MAGI3: variants seen among roughly 807,000 people sequenced by gnomAD.
MAGI3 encodes membrane-associated guanylate kinase, WW and PDZ domain-containing protein 3.
MAGI3 carries 43 observed loss-of-function variants against 121.8 expected under a neutral mutation model. The observed-to-expected ratio is 0.35, with a 90% confidence interval of 0.28 to 0.46. The LOEUF is 0.46. Ranked by LOEUF, MAGI3 falls within the 20% of genes least tolerant of loss-of-function variation. The probability of loss-of-function intolerance (pLI) is 1.00; values close to 1 mark genes in which losing one functional copy is unlikely to be tolerated. For synonymous variants in MAGI3, 553 were observed against 639.3 expected, an observed-to-expected ratio of 0.86 and a Z score of 2.04; for missense variants, 1,547 against 1,797.3, an observed-to-expected ratio of 0.86 and a Z score of 2.52.
At chr1:113,392,178 C>G (rs1650861204) in intron 1 of MAGI3, among the ~76,000 whole-genome samples, 1 of 152,198 alleles carries the variant, frequency 6.6e-6, no homozygotes, top group Non-Finnish European at 1.5e-5. Flanking sequence ...ACAGTGAGAT[C>G]TGATAGTATG....
chr1:113,654,989 A>G (rs1653392015), intron 15 of MAGI3, among the ~76,000 whole-genome samples: 1 of 152,222 alleles, frequency 6.6e-6, no homozygotes, highest in Admixed American at 6.5e-5. Flanking sequence ...ATGGAAATGT[A>G]TAAGGGAAAA....
intron 14 of MAGI3, among the ~76,000 whole-genome samples, chr1:113,651,773 G>C (rs1279953303): frequency 6.6e-6 from 1 of 152,162 alleles, no homozygotes; most frequent in Non-Finnish European, 1.5e-5. Flanking sequence ...TTACAGGCGT[G>C]AGCCACTGTG....
At chr1:113,520,067 C>T (rs924240881) in intron 1 of MAGI3, among the ~76,000 whole-genome samples, 1 of 152,160 alleles carries the variant, frequency 6.6e-6, no homozygotes, top group Non-Finnish European at 1.5e-5. Context: ...GGTGGTCATA[C>T]ATCCATGCCT....
intron 1 of MAGI3, among the ~76,000 whole-genome samples, chr1:113,532,879 T>A (rs1185717994): frequency 6.6e-6 from 1 of 152,200 alleles, no homozygotes. Flanking sequence ...AAAGAATTGA[T>A]GTTAGTGCTT....
chr1:113,656,536 C>T (rs1653481623), intron 15 of MAGI3, among the ~76,000 whole-genome samples: 1 of 151,884 alleles, frequency 6.6e-6, no homozygotes, highest in Non-Finnish European at 1.5e-5. Context: ...GCCTCAGCCT[C>T]CCGATTAGCT....
intron 1 of MAGI3, among the ~76,000 whole-genome samples, chr1:113,486,619 T>G (rs557646739): frequency 6.6e-6 from 1 of 151,926 alleles, no homozygotes; most frequent in East Asian, 1.9e-4. Flanking sequence ...ATATACTTTC[T>G]TGTGAAGACA....
chr1:113,511,516 A>G (rs1570778234), intron 1 of MAGI3, among the ~76,000 whole-genome samples: 1 of 152,200 alleles, frequency 6.6e-6, no homozygotes, highest in Admixed American at 6.5e-5. Flanking sequence ...ACAAGAGCAC[A>G]CCGAGCAGGG....
At chr1:113,509,327 A>G (rs1297584456) in intron 1 of MAGI3, among the ~76,000 whole-genome samples, 1 of 150,362 alleles carries the variant, frequency 6.7e-6, no homozygotes, top group African/African-American at 2.4e-5. Context: ...TTTTTCCATC[A>G]CTATTGAATA....
At chr1:113,574,192 C>T (rs1429900238) in intron 2 of MAGI3, among the ~76,000 whole-genome samples, 3 of 152,108 alleles carry the variant, frequency 2.0e-5, no homozygotes, top group African/African-American at 7.2e-5. Flanking sequence ...AGCCCATTTA[C>T]ATTTAAGGTT....
At chr1:113,641,038 ATAATAT>A in intron 9 of MAGI3, among the ~76,000 whole-genome samples, 2 of 127,860 alleles carry the variant, frequency 1.6e-5, no homozygotes, top group Admixed American at 1.9e-4. Flanking sequence ...TATGATATAT[ATAATAT>A]ATATGATATA....
chr1:113,454,015 T>G (rs920544628), intron 1 of MAGI3, among the ~76,000 whole-genome samples: 1 of 152,194 alleles, frequency 6.6e-6, no homozygotes, highest in African/African-American at 2.4e-5. Context: ...ATATTAAACA[T>G]TATTCTCAAA....
At chr1:113,472,804 T>C (rs773653428) in intron 1 of MAGI3, among the ~76,000 whole-genome samples, 2 of 152,082 alleles carry the variant, frequency 1.3e-5, no homozygotes, top group Non-Finnish European at 2.9e-5. Flanking sequence ...CAGTCTATTT[T>C]AAACTGATAA....
intron 1 of MAGI3, among the ~76,000 whole-genome samples, chr1:113,473,250 A>T (rs1655631195): frequency 6.6e-6 from 1 of 151,484 alleles, no homozygotes; most frequent in Non-Finnish European, 1.5e-5. Context: ...TTTTTCTTCC[A>T]GTACTTTATT....
At chr1:113,673,972 A>G (rs967001398) in intron 19 of MAGI3, among the ~76,000 whole-genome samples, 1 of 152,220 alleles carries the variant, frequency 6.6e-6, no homozygotes, top group African/African-American at 2.4e-5. Flanking sequence ...GTATTCCATC[A>G]TAGATGTTCT....
chr1:113,649,767 G>A (rs1037598997), intron 13 of MAGI3, among the ~76,000 whole-genome samples: 6 of 152,072 alleles, frequency 3.9e-5, no homozygotes, highest in African/African-American at 1.2e-4. Flanking sequence ...TTATTAATAG[G>A]TTGGCATTTT....
intron 1 of MAGI3, among the ~76,000 whole-genome samples, chr1:113,511,063 G>T (rs1651053602): frequency 6.6e-6 from 1 of 152,216 alleles, no homozygotes; most frequent in African/African-American, 2.4e-5. Flanking sequence ...TGTGCCCATT[G>T]TGGGGACTTG....
chr1:113,440,925 T>C (rs1329664010), intron 1 of MAGI3, among the ~76,000 whole-genome samples: 1 of 152,214 alleles, frequency 6.6e-6, no homozygotes, highest in Non-Finnish European at 1.5e-5. Flanking sequence ...ACAGGCATTT[T>C]CTTATCTCAT....
chr1:113,575,986 A>G (rs1647607996), intron 2 of MAGI3, among the ~76,000 whole-genome samples: 1 of 152,096 alleles, frequency 6.6e-6, no homozygotes. Context: ...CTTCCTTAAC[A>G]CTGTGAGGGG....
chr1:113,574,050 T>C (rs1390242774), intron 2 of MAGI3, among the ~76,000 whole-genome samples: 1 of 152,154 alleles, frequency 6.6e-6, no homozygotes, highest in East Asian at 1.9e-4. Flanking sequence ...TTGGTAAATA[T>C]TCCTCCATCC....
Sources: allele counts gnomAD v4.1 joint callset (sites outside exome capture counted in the v4.1 genomes callset), GRCh38; gene constraint gnomAD v4.1.1; transcripts MANE v1.5; gene names NCBI Gene and HGNC (gene_info 2026-07-23, HGNC 2026-07-21).